The following ARHGAP17 variants were observed in gnomAD, a reference collection of about 807,000 sequenced individuals.
The protein encoded by ARHGAP17 is rho GTPase-activating protein 17.
A neutral mutation model predicts 99.5 loss-of-function variants in ARHGAP17; 57 were observed. The ratio of observed to expected loss-of-function variants is 0.57; its 90% confidence interval spans 0.46 to 0.71. The LOEUF (loss-of-function observed/expected upper bound fraction) is 0.71. ARHGAP17 is among the 30% of genes least tolerant of loss of function. The probability of loss-of-function intolerance (pLI) is 0.00; values close to 1 mark genes in which losing one functional copy is unlikely to be tolerated. For synonymous variants in ARHGAP17, 417 were observed against 429.6 expected (o/e 0.97, Z 0.36); for missense variants, 1,000 against 1,122.4 (o/e 0.89, Z 1.56).
intron 19 of ARHGAP17, among the ~76,000 whole-genome samples, chr16:24,924,880 A>T (rs1238059457): frequency 6.7e-6 from 1 of 150,188 alleles, no homozygotes; most frequent in Non-Finnish European, 1.5e-5. Flanking sequence ...AAAAAAAATA[A>T]AAAAAAAAGC....
chr16:24,961,911 T>TTATATATATA (rs67952203), intron 7 of ARHGAP17, among the ~76,000 whole-genome samples: 5,435 of 129,790 alleles, frequency 0.042, 415 homozygotes, highest in African/African-American at 0.15. Context: ...CATAGGAATT[T>TTATATATATA]TATATATATA....
At chr16:24,948,315 G>A (rs1296059745) in intron 13 of ARHGAP17, among the ~76,000 whole-genome samples, 3 of 152,146 alleles carry the variant, frequency 2.0e-5, no homozygotes, top group Non-Finnish European at 4.4e-5. Flanking sequence ...ATGTACACAC[G>A]AATGTATCTG....
chr16:24,939,800 T>A (rs1271912585), intron 16 of ARHGAP17: 1 of 612,714 alleles, frequency 1.6e-6, no homozygotes, highest in African/African-American at 1.8e-5. Flanking sequence ...ATGAACCTGG[T>A]ACTGTTCAAT....
At chr16:24,969,563 G>C (rs1181394520) in intron 4 of ARHGAP17, among the ~76,000 whole-genome samples, 2 of 152,176 alleles carry the variant, frequency 1.3e-5, no homozygotes, top group Non-Finnish European at 2.9e-5. Context: ...GTGTTAACAT[G>C]GTTCTAAGTG....
intron 1 of ARHGAP17, among the ~76,000 whole-genome samples, chr16:24,996,584 T>C (rs2053197700): frequency 6.6e-6 from 1 of 152,100 alleles, no homozygotes; most frequent in Non-Finnish European, 1.5e-5. Context: ...GCCCTCCCTC[T>C]ACCCCAAGCA....
At chr16:24,995,105 CT>C (rs1276436619) in intron 1 of ARHGAP17, among the ~76,000 whole-genome samples, 4 of 152,164 alleles carry the variant, frequency 2.6e-5, no homozygotes, top group Non-Finnish European at 5.9e-5. Flanking sequence ...TGAGAACTCA[CT>C]CAGTATTACT....
chr16:24,932,181 C>T (rs1314451678), intron 18 of ARHGAP17, among the ~76,000 whole-genome samples: 2 of 151,818 alleles, frequency 1.3e-5, no homozygotes, highest in Non-Finnish European at 2.9e-5. Flanking sequence ...GTAAATGTGC[C>T]ATGGTCATGT....
intron 14 of ARHGAP17, among the ~76,000 whole-genome samples, chr16:24,944,906 G>A (rs566339818): frequency 4.6e-5 from 7 of 151,328 alleles, no homozygotes; most frequent in Admixed American, 1.3e-4. Flanking sequence ...GTGAGCCACC[G>A]CGCCTGGCAA....
At chr16:24,993,274 T>A (rs1015534300) in intron 1 of ARHGAP17, among the ~76,000 whole-genome samples, 1 of 152,184 alleles carries the variant, frequency 6.6e-6, no homozygotes, top group African/African-American at 2.4e-5. Context: ...GCAAAAGTAA[T>A]TGTGGCTTTT....
intron 13 of ARHGAP17, 137 bp from the exon 14 acceptor site, chr16:24,947,732 G>T: frequency 1.5e-6 from 1 of 656,956 alleles, no homozygotes; most frequent in Non-Finnish European, 2.6e-6. Context: ...TGGCTCAGGT[G>T]AAGCATTTTA....
chr16:24,943,054 G>C (rs1050715633), intron 15 of ARHGAP17, among the ~76,000 whole-genome samples: 1 of 152,144 alleles, frequency 6.6e-6, no homozygotes, highest in African/African-American at 2.4e-5. Flanking sequence ...ATGGCAGCAG[G>C]GTTGCTCTGG....
chr16:25,011,698 CAAA>C (rs11299719), intron 1 of ARHGAP17, among the ~76,000 whole-genome samples: 3 of 122,814 alleles, frequency 2.4e-5, no homozygotes. Flanking sequence ...GACTCCGTCT[CAAA>C]AAAAAAAAAA....
intron 14 of ARHGAP17, among the ~76,000 whole-genome samples, chr16:24,947,257 G>A (rs1363914644): frequency 2.6e-5 from 4 of 152,182 alleles, no homozygotes; most frequent in African/African-American, 9.7e-5. Context: ...AAGAGCAGGG[G>A]CATTTTGAGA....
At position 24,970,449 on chromosome 16, in the gene ARHGAP17, C is replaced by A; in HGVS notation, c.272+58G>T. 1.0e-5 allele frequency: 16 copies of A among 1,532,292 alleles called. No homozygotes were observed. In the South Asian group the frequency reaches 1.8e-4, roughly 17 times the overall value. 94.9% of individuals were successfully genotyped at this position (1,532,292 alleles called of 1,614,324 possible). On this transcript the variant is annotated intron_variant, in intron 4 of 19. Transcript: ENST00000289968. ...CACAGGTCCTACATACACCACCTGG[C>A]CCAGCCACTTCCACCAATCTACATG... is the stretch of plus-strand genomic sequence containing the variant.
intron 18 of ARHGAP17, among the ~76,000 whole-genome samples, chr16:24,934,820 AGAATGTTCTG>A (rs2051090166): frequency 6.6e-6 from 1 of 152,234 alleles, no homozygotes; most frequent in African/African-American, 2.4e-5. Flanking sequence ...GATATGGGAC[AGAATGTTCTG>A]GAAGCCCTAA....
intron 1 of ARHGAP17, among the ~76,000 whole-genome samples, chr16:25,000,571 G>T (rs1009980958): frequency 3.3e-5 from 5 of 151,956 alleles, no homozygotes; most frequent in African/African-American, 9.7e-5. Context: ...TTCTGGCAAC[G>T]GGGGGGTTAT....
At chr16:24,968,824 T>C (rs1180258616) in intron 4 of ARHGAP17, 52 bp from the exon 5 acceptor site, 3 of 1,561,704 alleles carry the variant, frequency 1.9e-6, no homozygotes, top group Non-Finnish European at 2.6e-6. Context: ...AATCAGGCAC[T>C]GGATTATCGT....
At position 24,951,477 on chromosome 16, in the gene ARHGAP17, T is replaced by A. The variant is rs567522728; in HGVS notation, c.1046+812A>T. On this transcript the variant is annotated intron_variant, in intron 12 of 19. Coordinates refer to ENST00000289968, the MANE Select transcript of ARHGAP17 (RefSeq NM_001006634.3). ...GCTGACAACACAAGGTCCACTTATATGCAAATTTTTCAATAAACATATAGG... is the reference window on the plus strand; with the variant it reads ...GCTGACAACACAAGGTCCACTTATAAGCAAATTTTTCAATAAACATATAGG... 5.1e-4 allele frequency among the ~76,000 whole-genome samples: 77 copies of A among 152,362 alleles called. No homozygotes were observed. The South Asian group carries it at 0.011, about 21-fold the overall frequency.
At chr16:25,010,607 G>A (rs1346703839) in intron 1 of ARHGAP17, among the ~76,000 whole-genome samples, 6 of 152,234 alleles carry the variant, frequency 3.9e-5, no homozygotes. Flanking sequence ...AAGAGGGACT[G>A]TCAATTTCTG....
Sources: gnomAD v4.1 joint callset for allele counts (sites outside exome capture counted in the v4.1 genomes callset) on GRCh38, gnomAD v4.1.1 for gene constraint, MANE v1.5 for transcripts, NCBI Gene and HGNC (gene_info 2026-07-23, HGNC 2026-07-21) for gene names.